ELOVL6: variants seen among roughly 807,000 people sequenced by gnomAD.
ELOVL6 encodes the protein very long chain fatty acid elongase 6.
A neutral mutation model predicts 31.7 loss-of-function variants in ELOVL6; 8 were observed. That is an observed-to-expected ratio of 0.25 (90% CI 0.15 to 0.45). The LOEUF (loss-of-function observed/expected upper bound fraction) is 0.45, where lower values mean the gene tolerates loss of function less well. ELOVL6 is among the 20% of genes least tolerant of loss of function. The pLI, the probability that ELOVL6 is intolerant of heterozygous loss-of-function variation, is 1.00. For synonymous variants in ELOVL6, 101 were observed against 117.7 expected (o/e 0.86, Z 0.92); for missense variants, 126 against 326.4 (o/e 0.39, Z 4.73).
At chr4:110,117,903 A>AAAAAAAAAAAATATAT in intron 1 of ELOVL6, 5 of 6,502 alleles carry the variant, frequency 7.7e-4, no homozygotes, top group Non-Finnish European at 1.1e-3. Flanking sequence ...AAAAAAAAAA[A>AAAAAAAAAAAATATAT]ATATATATAT....
At chr4:110,107,882 C>A (rs188703615) in intron 1 of ELOVL6, among the ~76,000 whole-genome samples, 6 of 152,210 alleles carry the variant, frequency 3.9e-5, no homozygotes, top group Non-Finnish European at 5.9e-5. Context: ...ATTTAATCCT[C>A]ATGGTGCAGG....
upstream of ELOVL6, chr4:110,198,670 C>T (rs1424330810): frequency 4.3e-6 from 1 of 234,586 alleles, no homozygotes; most frequent in Non-Finnish European, 8.3e-6. Context: ...ATCTCCTCCC[C>T]CTCGTGCGAT....
chr4:110,051,805 C>A lies in ELOVL6; in HGVS notation c.374-43G>T. The A allele has an allele frequency of 3.2e-6, 5 of 1,540,508 alleles. No homozygotes were observed. Among genetic ancestry groups the A allele is most frequent in the Non-Finnish European group, 4.4e-6 (5 of 1,127,938 alleles). ...AGAAGGTACGTGAGATCCTTGACCA[C>A]CAGTAACGATGACTTACAGTTTTGT... On this transcript the variant is annotated intron_variant, in intron 3 of 3. Transcript: ENST00000302274. The surrounding 1 kb of genome is among the most constrained non-coding windows in gnomAD (Gnocchi z 4.8).
intron 3 of ELOVL6, among the ~76,000 whole-genome samples, chr4:110,053,995 G>A (rs561389440): frequency 2.0e-5 from 3 of 152,222 alleles, no homozygotes; most frequent in East Asian, 1.9e-4. Context: ...AGCTACTCAG[G>A]AGGCTGAGGC....
intron 1 of ELOVL6, among the ~76,000 whole-genome samples, chr4:110,195,916 G>A (rs562726591): frequency 6.6e-6 from 1 of 152,328 alleles, no homozygotes; most frequent in South Asian, 2.1e-4. Flanking sequence ...GTATATAACA[G>A]TAAAGGATAT....
chr4:110,155,142 AT>A (rs1436402852), intron 1 of ELOVL6, among the ~76,000 whole-genome samples: 1 of 152,168 alleles, frequency 6.6e-6, no homozygotes, highest in Non-Finnish European at 1.5e-5. Flanking sequence ...CTAGTAATAT[AT>A]TTTTTAAACT....
rs758377159 is a variant in ELOVL6, at chr4:110,059,774, A to G, written c.222-20T>C. ...AATATACTTCATAATGAAAAGAGAA[A>G]AGAAACAGCATTTAGGAAAATAGTT... On this transcript the variant is annotated intron_variant, in intron 2 of 3. Coordinates refer to ENST00000302274, the MANE Select transcript of ELOVL6 (RefSeq NM_024090.3). 137 of 1,594,760 alleles carry G rather than the reference A, an allele frequency of 8.6e-5. No homozygotes were observed. Among genetic ancestry groups the G allele is most frequent in the Non-Finnish European group, 1.1e-4 (129 of 1,169,992 alleles).
chr4:110,166,526 T>G (rs537903747), intron 1 of ELOVL6, among the ~76,000 whole-genome samples: 1 of 152,108 alleles, frequency 6.6e-6, no homozygotes, highest in South Asian at 2.1e-4. Context: ...GGCAGGAGAA[T>G]CGCTTGAACC....
intron 1 of ELOVL6, chr4:110,118,142 G>C (rs1409287203): frequency 6.7e-6 from 1 of 149,616 alleles, no homozygotes; most frequent in Non-Finnish European, 1.5e-5. Flanking sequence ...ATTTTTGGTG[G>C]ACACAGGTTT....
At chr4:110,110,935 T>A (rs1478066826) in intron 1 of ELOVL6, among the ~76,000 whole-genome samples, 1 of 152,170 alleles carries the variant, frequency 6.6e-6, no homozygotes, top group Non-Finnish European at 1.5e-5. Flanking sequence ...ACTTTACCTT[T>A]TTGCTTCCCC....
intron 1 of ELOVL6, among the ~76,000 whole-genome samples, chr4:110,184,779 T>C (rs1048101288): frequency 4.6e-5 from 7 of 152,102 alleles, no homozygotes; most frequent in Non-Finnish European, 7.4e-5. Flanking sequence ...TGGTCCCACA[T>C]AGATGACAAA....
intron 1 of ELOVL6, among the ~76,000 whole-genome samples, chr4:110,126,333 G>A (rs536184677): frequency 7.2e-5 from 11 of 152,190 alleles, no homozygotes; most frequent in South Asian, 2.1e-4. Context: ...GGCATGAGTC[G>A]CTGCACCCAA....
intron 1 of ELOVL6, among the ~76,000 whole-genome samples, chr4:110,181,980 T>C (rs548515652): frequency 2.0e-5 from 3 of 152,212 alleles, no homozygotes; most frequent in African/African-American, 7.2e-5. Flanking sequence ...CTGAAGATAT[T>C]TGTTAACCAC....
intron 1 of ELOVL6, among the ~76,000 whole-genome samples, chr4:110,112,810 G>A (rs75245824): frequency 6.6e-6 from 1 of 152,108 alleles, no homozygotes; most frequent in African/African-American, 2.4e-5. Context: ...GGAGGCAGAG[G>A]TTGCAGTGAG....
intron 1 of ELOVL6, among the ~76,000 whole-genome samples, chr4:110,129,891 ATTTT>A (rs371838858): frequency 1.1e-5 from 1 of 93,538 alleles, no homozygotes; most frequent in Non-Finnish European, 1.9e-5. Flanking sequence ...ATCCAATCCA[ATTTT>A]TTTTTTTTTT....
chr4:110,123,414 C>T (rs937221285), intron 1 of ELOVL6, among the ~76,000 whole-genome samples: 1 of 152,002 alleles, frequency 6.6e-6, no homozygotes, highest in African/African-American at 2.4e-5. Context: ...TTCTAGGCTC[C>T]GGGAATACAT....
chr4:110,191,867 C>G (rs1005681826), intron 1 of ELOVL6, among the ~76,000 whole-genome samples: 3 of 152,000 alleles, frequency 2.0e-5, no homozygotes, highest in Non-Finnish European at 4.4e-5. Flanking sequence ...ACCTCCGTCC[C>G]CCTCATAACT....
intron 1 of ELOVL6, among the ~76,000 whole-genome samples, chr4:110,178,657 C>T (rs181163808): frequency 6.6e-6 from 1 of 151,896 alleles, no homozygotes; most frequent in African/African-American, 2.4e-5. Context: ...AACTTGAGAG[C>T]AACCTGGGCA....
intron 2 of ELOVL6, among the ~76,000 whole-genome samples, chr4:110,101,118 C>T (rs1756728384): frequency 6.6e-6 from 1 of 152,216 alleles, no homozygotes; most frequent in African/African-American, 2.4e-5. Flanking sequence ...CAGCTCACTG[C>T]AACCTCCACC....
Sources: allele counts gnomAD v4.1 joint callset (sites outside exome capture counted in the v4.1 genomes callset), GRCh38; gene constraint gnomAD v4.1.1; non-coding constraint Gnocchi (gnomAD v3.1); transcripts MANE v1.5; gene names NCBI Gene and HGNC (gene_info 2026-07-23, HGNC 2026-07-21).